The following AUTS2 variants were observed in gnomAD, a reference collection of about 807,000 sequenced individuals.
The protein encoded by AUTS2 is activator of transcription and developmental regulator AUTS2.
A neutral mutation model predicts 112.4 loss-of-function variants in AUTS2; 17 were observed. The observed-to-expected ratio is 0.15, with a 90% CI of 0.10 to 0.23. AUTS2 has a LOEUF of 0.23. Ranked by LOEUF, AUTS2 falls within the 10% of genes least tolerant of loss-of-function variation. AUTS2 has a pLI of 1.00. For missense variants in AUTS2, 1,510 were observed against 1,701.6 expected (o/e 0.89, Z 1.98); for synonymous variants, 751 against 702.7 (o/e 1.07, Z -1.09).
intron 4 of AUTS2, among the ~76,000 whole-genome samples, chr7:70,151,134 GC>G (rs1027801809): frequency 1.3e-5 from 2 of 152,292 alleles, no homozygotes; most frequent in Middle Eastern, 3.4e-3. Flanking sequence ...GAACAAGGTA[GC>G]AAAAATTCAA....
At chr7:69,832,031 C>T (rs1459590465) in intron 1 of AUTS2, among the ~76,000 whole-genome samples, 1 of 152,094 alleles carries the variant, frequency 6.6e-6, no homozygotes. Context: ...TTCAAAATAT[C>T]CTTTGAACCT....
At chr7:70,242,499 TA>T (rs1434615785) in intron 4 of AUTS2, among the ~76,000 whole-genome samples, 5 of 152,222 alleles carry the variant, frequency 3.3e-5, no homozygotes, top group Non-Finnish European at 7.3e-5. Context: ...ATTTTTATGT[TA>T]AAACAAATTA....
intron 2 of AUTS2, among the ~76,000 whole-genome samples, chr7:69,929,523 T>C: frequency 6.6e-6 from 1 of 152,066 alleles, no homozygotes; most frequent in Non-Finnish European, 1.5e-5. Context: ...CTTCCTAGAG[T>C]TTCCTGTGCT....
intron 5 of AUTS2, among the ~76,000 whole-genome samples, chr7:70,544,400 T>G (rs1800683882): frequency 6.6e-6 from 1 of 152,166 alleles, no homozygotes; most frequent in South Asian, 2.1e-4. Context: ...TTGCTGACAG[T>G]GAGGTGGAGA....
chr7:69,970,788 G>A (rs746168640), intron 2 of AUTS2, among the ~76,000 whole-genome samples: 16 of 151,950 alleles, frequency 1.1e-4, no homozygotes, highest in East Asian at 7.7e-4. Flanking sequence ...ATTCACCTGC[G>A]TCTTCTATAG....
intron 1 of AUTS2, chr7:69,824,622 C>T (rs1791159553): frequency 6.6e-6 from 1 of 151,958 alleles, no homozygotes; most frequent in Non-Finnish European, 1.5e-5. Context: ...ACCCTCCTTG[C>T]CATACAAGCC....
intron 5 of AUTS2, among the ~76,000 whole-genome samples, chr7:70,595,184 G>A (rs1257294349): frequency 2.6e-5 from 4 of 152,124 alleles, no homozygotes; most frequent in Non-Finnish European, 5.9e-5. Flanking sequence ...AGGGGGCTTG[G>A]TGCCATTTGC....
chr7:69,862,771 T>G (rs1793048321), intron 1 of AUTS2, among the ~76,000 whole-genome samples: 1 of 152,162 alleles, frequency 6.6e-6, no homozygotes, highest in African/African-American at 2.4e-5. Flanking sequence ...CTGCACAGTC[T>G]CTACTCCTGA....
intron 5 of AUTS2, among the ~76,000 whole-genome samples, chr7:70,556,175 GGAGA>G (rs201451438): frequency 6.6e-6 from 1 of 151,750 alleles, no homozygotes; most frequent in Non-Finnish European, 1.5e-5. Context: ...CAGGAGCAAG[GGAGA>G]GAGAGAGGGG....
intron 2 of AUTS2, among the ~76,000 whole-genome samples, chr7:70,054,664 A>C (rs906245449): frequency 2.6e-5 from 4 of 152,182 alleles, no homozygotes; most frequent in African/African-American, 7.2e-5. Flanking sequence ...CTAAATACAC[A>C]AAAAAACTGC....
Position 69,714,574 on chromosome 7 carries a change from C to T in AUTS2, c.309+114612C>T, listed in dbSNP as rs1033783509. ...TGTTCCATTGGTCAGTGTGTCTGTC[C>T]CTTCCCAAATACCCCACAGTTTTGA... On this transcript the variant is annotated intron_variant, in intron 1 of 18. Coordinates refer to ENST00000342771, the MANE Select transcript of AUTS2 (RefSeq NM_015570.4). 1.6e-4 allele frequency among the ~76,000 whole-genome samples: 25 copies of T among 152,004 alleles called. 1 individual carries two copies. The highest frequency in any genetic ancestry group is 1.4e-3 in the Admixed American group (22 of 15,272).
At chr7:69,855,810 G>T (rs1184596457) in intron 1 of AUTS2, among the ~76,000 whole-genome samples, 2 of 152,160 alleles carry the variant, frequency 1.3e-5, no homozygotes, top group East Asian at 1.9e-4. Flanking sequence ...ATCAACTCTT[G>T]CTGTGAGGGC....
At chr7:70,260,819 G>C (rs959270594) in intron 4 of AUTS2, among the ~76,000 whole-genome samples, 1 of 151,358 alleles carries the variant, frequency 6.6e-6, no homozygotes, top group Non-Finnish European at 1.5e-5. Context: ...GTGCAATCTC[G>C]GCTCACTGCA....
chr7:69,987,180 A>G (rs1251135493), intron 2 of AUTS2, among the ~76,000 whole-genome samples: 2 of 152,230 alleles, frequency 1.3e-5, no homozygotes, highest in East Asian at 1.9e-4. Context: ...TGCTACTATA[A>G]TTTAATTCAC....
In AUTS2 at chr7:69,675,505, G is replaced by GTTTT. The variant is rs751222506; in HGVS notation, c.309+75561_309+75564dup. 1.8e-3 allele frequency among the ~76,000 whole-genome samples: 202 copies of GTTTT among 114,178 alleles called. 4 individuals carry two copies. The highest frequency in any genetic ancestry group is 6.5e-3 in the African/African-American group (181 of 27,712). The allele number at this position is 114,178 out of a possible 152,430, so 74.9% of individuals were successfully genotyped here. A position where few individuals can be genotyped will look rare whatever the true frequency, so the allele number is the denominator to read the frequency against. ...TTTCTCAGGGTGGTTTTGGCTGAGGGTTTTTTTTTTTTTTTTTTTTTGAGA... is the reference window on the plus strand; with the variant it reads ...TTTCTCAGGGTGGTTTTGGCTGAGGGTTTTTTTTTTTTTTTTTTTTTTTTTGAGA... On this transcript the variant is annotated intron_variant, in intron 1 of 18. Coordinates refer to ENST00000342771, the MANE Select transcript of AUTS2 (RefSeq NM_015570.4).
intron 4 of AUTS2, among the ~76,000 whole-genome samples, chr7:70,281,597 T>C (rs1365135653): frequency 6.6e-6 from 1 of 152,016 alleles, no homozygotes; most frequent in Non-Finnish European, 1.5e-5. Context: ...TTTGTTAACA[T>C]ACAGAGAAGA....
chr7:70,049,580 T>A (rs1327603474), intron 2 of AUTS2, among the ~76,000 whole-genome samples: 5 of 152,136 alleles, frequency 3.3e-5, no homozygotes, highest in Non-Finnish European at 7.4e-5. Context: ...TCCTCTTGCC[T>A]TGGCCTCCCA....
intron 1 of AUTS2, among the ~76,000 whole-genome samples, chr7:69,867,309 T>C (rs547146127): frequency 1.3e-5 from 2 of 152,276 alleles, no homozygotes; most frequent in South Asian, 4.1e-4. Flanking sequence ...CAAGGGTGGA[T>C]TTTTAAATTG....
At chr7:69,988,313 A>G (rs995029045) in intron 2 of AUTS2, among the ~76,000 whole-genome samples, 3 of 152,186 alleles carry the variant, frequency 2.0e-5, no homozygotes, top group Non-Finnish European at 2.9e-5. Flanking sequence ...GAGTCTATCA[A>G]GAGTGTGTGT....
Sources: allele counts gnomAD v4.1 joint callset (sites outside exome capture counted in the v4.1 genomes callset), GRCh38; gene constraint gnomAD v4.1.1; transcripts MANE v1.5; gene names NCBI Gene and HGNC (gene_info 2026-07-23, HGNC 2026-07-21).